Variants in EIF3J observed in about 807,000 individuals in gnomAD.
EIF3J encodes the protein eukaryotic translation initiation factor 3 subunit J.
Under a neutral mutation model 39.0 loss-of-function variants are expected in EIF3J, and 15 were observed. The ratio of observed to expected loss-of-function variants is 0.38; its 90% CI spans 0.26 to 0.59. The LOEUF is 0.59. Among genes scored for constraint, EIF3J ranks in the 20% least tolerant of loss-of-function variants. The probability of loss-of-function intolerance (pLI) is 0.60; values close to 1 mark genes in which losing one functional copy is unlikely to be tolerated. For synonymous variants in EIF3J, 98 were observed against 112.9 expected, an observed-to-expected ratio of 0.87 and a Z score of 0.84; for missense variants, 226 against 308.6, an observed-to-expected ratio of 0.73 and a Z score of 2.00.
Position 44,562,122 on chromosome 15 carries a change from G to C in EIF3J, c.*973G>C. 1 of 152,722 alleles carries C rather than the reference G, an allele frequency of 6.5e-6. No individual in the cohort carries two copies. 9.5% of individuals were successfully genotyped at this position (152,722 alleles called of 1,614,324 possible). ...TTACCTCCCAAGAGATACTTTTTGA[G>C]AGTATAGAACACAGCTCTTGGGAGT... is the stretch of plus-strand genomic sequence containing the variant. On this transcript the variant is annotated 3_prime_UTR_variant, in exon 8 of 8. Transcript: ENST00000261868.
rs781697830 is a variant in EIF3J at position 44,557,672 on chromosome 15, C to T, written c.571+22C>T. Reference sequence around the variant, plus strand: ...TCATGTAAGTAATTCTAATTTCTAGCCCCTCTGGGTAGATTTTTAGTAGGA... The same window carrying T: ...TCATGTAAGTAATTCTAATTTCTAGTCCCTCTGGGTAGATTTTTAGTAGGA... On this transcript the variant is annotated intron_variant, in intron 6 of 7. Transcript: ENST00000261868. The T allele has an allele frequency of 5.6e-6, 8 of 1,425,106 alleles. No homozygotes were observed. The South Asian group carries it at 1.4e-4, about 25-fold the overall frequency. 88.3% of individuals were successfully genotyped at this position (1,425,106 alleles called of 1,614,324 possible).
chr15:44,557,481 T>G lies in EIF3J; in HGVS notation c.410-8T>G, dbSNP rs1219063843. 1 of 1,498,020 alleles carries G rather than the reference T, an allele frequency of 6.7e-7. No homozygotes were observed. The highest frequency in any genetic ancestry group is 8.9e-7 in the Non-Finnish European group (1 of 1,128,546). The allele number at this position is 1,498,020 out of a possible 1,614,324, so 92.8% of individuals were successfully genotyped here. A position where few individuals can be genotyped will look rare whatever the true frequency, so the allele number is the denominator to read the frequency against. ...CTGATACTTTTCAGTGCTTCTTTTCTCCTACAGGTGTTAATAATGCAGTTT... is the reference window on the plus strand; with the variant it reads ...CTGATACTTTTCAGTGCTTCTTTTCGCCTACAGGTGTTAATAATGCAGTTT... On this transcript the variant is annotated splice_region_variant and splice_polypyrimidine_tract_variant and intron_variant, in intron 5 of 7. Transcript: ENST00000261868.
At chr15:44,551,729 A>G (rs1310460588) in intron 4 of EIF3J, among the ~76,000 whole-genome samples, 1 of 152,256 alleles carries the variant, frequency 6.6e-6, no homozygotes, top group African/African-American at 2.4e-5. Flanking sequence ...AAGTTTTCAC[A>G]AACATTCAGG....
chr15:44,556,788 G>A lies in EIF3J; in HGVS notation c.410-701G>A, dbSNP rs560284930. 1.4e-4 allele frequency among the ~76,000 whole-genome samples: 21 copies of A among 151,956 alleles called. No individual in the cohort carries two copies. The South Asian group carries it at 4.2e-3, about 30-fold the overall frequency. ...AGGCCTCCCAAAGTGTTGGGATTAC[G>A]GGTGTTAGCCACTGCGTCTGGCCAC... is the stretch of plus-strand genomic sequence containing the variant. On this transcript the variant is annotated intron_variant, in intron 5 of 7. Transcript: ENST00000261868.
At chr15:44,537,726 C>T (rs2081971978) in intron 2 of EIF3J, among the ~76,000 whole-genome samples, 1 of 152,202 alleles carries the variant, frequency 6.6e-6, no homozygotes, top group South Asian at 2.1e-4. Flanking sequence ...CTTCGCGGTC[C>T]GGAGCCTCTC....
chr15:44,546,411 T>C (rs2082053080), intron 2 of EIF3J, among the ~76,000 whole-genome samples: 1 of 152,256 alleles, frequency 6.6e-6, no homozygotes. Context: ...ATTTCTTTAC[T>C]GGACTTAGAG....
At chr15:44,547,474 T>C (rs1433582216) in intron 2 of EIF3J, among the ~76,000 whole-genome samples, 1 of 132,170 alleles carries the variant, frequency 7.6e-6, no homozygotes, top group African/African-American at 3.0e-5. Context: ...TGAGACGAAG[T>C]CTCGCCGCAC....
chr15:44,560,760 A>G (rs1192644861), intron 7 of EIF3J, among the ~76,000 whole-genome samples: 2 of 152,206 alleles, frequency 1.3e-5, no homozygotes, highest in Non-Finnish European at 2.9e-5. Context: ...CAGTGAAGTT[A>G]AGGCTGTCTA....
intron 2 of EIF3J, among the ~76,000 whole-genome samples, chr15:44,540,227 G>A (rs2081999933): frequency 7.3e-6 from 1 of 136,426 alleles, no homozygotes; most frequent in African/African-American, 2.8e-5. Flanking sequence ...GTGAGCCACC[G>A]CGCCTGGCTA....
At chr15:44,539,020 A>G (rs2081985315) in intron 2 of EIF3J, among the ~76,000 whole-genome samples, 1 of 151,318 alleles carries the variant, frequency 6.6e-6, no homozygotes, top group South Asian at 2.1e-4. Context: ...CTTGATGAAT[A>G]TAATTCTTTT....
At chr15:44,554,360 G>A (rs2082126135) in intron 4 of EIF3J, among the ~76,000 whole-genome samples, 193 bp from the exon 5 acceptor site, 1 of 134,744 alleles carries the variant, frequency 7.4e-6, no homozygotes, top group Non-Finnish European at 1.5e-5. Context: ...CTTGGTGGCA[G>A]AGTGAGGCTC....
rs141952660 is a variant in EIF3J at position 44,550,648 on chromosome 15, C to T, written c.148-228C>T. 2.0e-4 allele frequency: 77 copies of T among 381,814 alleles called. 1 individual carries two copies. The East Asian group carries it at 3.2e-3, about 16-fold the overall frequency. 23.7% of individuals were successfully genotyped at this position (381,814 alleles called of 1,614,324 possible). On this transcript the variant is annotated intron_variant, in intron 2 of 7. Coordinates refer to ENST00000261868, the MANE Select transcript of EIF3J (RefSeq NM_003758.4). ...CTAATAGGGAAATCACTTTAAAACACTTCTGAAAGGTACAAAAATGTACTT... is the reference window on the plus strand; with the variant it reads ...CTAATAGGGAAATCACTTTAAAACATTTCTGAAAGGTACAAAAATGTACTT...
intron 2 of EIF3J, among the ~76,000 whole-genome samples, chr15:44,550,366 A>G (rs1378864755): frequency 6.6e-6 from 1 of 152,106 alleles, no homozygotes; most frequent in Non-Finnish European, 1.5e-5. Flanking sequence ...ATCATAGCTC[A>G]CTGCAGCCTT....
intron 2 of EIF3J, among the ~76,000 whole-genome samples, chr15:44,540,850 CT>C (rs2082009379): frequency 6.6e-6 from 1 of 152,098 alleles, no homozygotes; most frequent in African/African-American, 2.4e-5. Context: ...AGTACTTAAC[CT>C]TTAAAAATAC....
In EIF3J at chr15:44,537,190, T is replaced by G. The variant is rs200082948; in HGVS notation, c.-5T>G. ...CCTCTCACACACGCTCACACCCGGC[T>G]CGAGATGGCGGCGGCGGCGGCGGCG... On this transcript the variant is annotated 5_prime_UTR_variant, in exon 1 of 8. Coordinates refer to ENST00000261868, the MANE Select transcript of EIF3J (RefSeq NM_003758.4). 3 of 1,608,364 alleles carry G rather than the reference T, an allele frequency of 1.9e-6. No individual in the cohort carries two copies. The highest frequency in any genetic ancestry group is 2.6e-6 in the Non-Finnish European group (3 of 1,176,470).
chr15:44,550,160 AT>A (rs1486287273), intron 2 of EIF3J, among the ~76,000 whole-genome samples: 3 of 152,230 alleles, frequency 2.0e-5, no homozygotes, highest in Non-Finnish European at 4.4e-5. Context: ...AAGTAAAGCT[AT>A]CTTTTGTTTG....
chr15:44,559,675 C>T (rs962927536), intron 6 of EIF3J, among the ~76,000 whole-genome samples: 2 of 151,406 alleles, frequency 1.3e-5, no homozygotes, highest in Non-Finnish European at 2.9e-5. Flanking sequence ...TCACTGCACT[C>T]CAACCTGGGT....
At chr15:44,557,323 CCCCCTCA>C (rs1194746144) in intron 5 of EIF3J, among the ~76,000 whole-genome samples, 159 bp from the exon 6 acceptor site, 2 of 151,960 alleles carry the variant, frequency 1.3e-5, no homozygotes, top group East Asian at 3.9e-4. Context: ...AACCCCCCTC[CCCCCTCA>C]CCCAGCCATT....
intron 4 of EIF3J, among the ~76,000 whole-genome samples, chr15:44,552,577 T>G (rs2082109034): frequency 6.6e-6 from 1 of 151,998 alleles, no homozygotes; most frequent in East Asian, 1.9e-4. Flanking sequence ...CTTTTTTTTT[T>G]TTTAGAGATG....
Sources: allele counts gnomAD v4.1 joint callset (sites outside exome capture counted in the v4.1 genomes callset), GRCh38; gene constraint gnomAD v4.1.1; transcripts MANE v1.5; gene names NCBI Gene and HGNC (gene_info 2026-07-23, HGNC 2026-07-21).